Variants in CASZ1 observed in about 807,000 individuals in gnomAD.
CASZ1 encodes the protein castor zinc finger 1.
A neutral mutation model predicts 135.2 loss-of-function variants in CASZ1; 28 were observed. That is an observed-to-expected ratio of 0.21 (90% CI 0.15 to 0.28). The LOEUF is 0.28. CASZ1 is among the 10% of genes least tolerant of loss of function. CASZ1 has a pLI of 1.00. For synonymous variants in CASZ1, 1,068 were observed against 1,073.4 expected (o/e 0.99, Z 0.10); for missense variants, 2,161 against 2,453.3 (o/e 0.88, Z 2.52).
chr1:10,689,881 G>A (rs1055395113), intron 4 of CASZ1, among the ~76,000 whole-genome samples: 7 of 152,150 alleles, frequency 4.6e-5, no homozygotes, highest in East Asian at 3.8e-4. Context: ...GTCACTAACC[G>A]GTGCACAGCA....
intron 9 of CASZ1, among the ~76,000 whole-genome samples, chr1:10,654,999 A>C (rs1158456245): frequency 6.6e-6 from 1 of 152,188 alleles, no homozygotes; most frequent in African/African-American, 2.4e-5. Flanking sequence ...GGATTTGCTT[A>C]GTGGACAGTC....
In CASZ1 at chr1:10,662,312, C is replaced by T. The variant is rs544569719; in HGVS notation, c.506-1776G>A. Among the ~76,000 whole-genome samples the T allele has an allele frequency of 1.9e-4, 21 of 108,404 alleles. No individual in the cohort carries two copies. The East Asian group carries it at 4.7e-3, about 24-fold the overall frequency. 71.1% of individuals were successfully genotyped at this position (108,404 alleles called of 152,430 possible). ...ATACAACACACACATACATTGACAC[C>T]CACCCACCCCCACACACAGTCACAT... On this transcript the variant is annotated intron_variant, in intron 5 of 20. Transcript: ENST00000377022.
chr1:10,779,791 A>G (rs1557567349), intron 1 of CASZ1, among the ~76,000 whole-genome samples: 1 of 152,224 alleles, frequency 6.6e-6, no homozygotes, highest in African/African-American at 2.4e-5. Context: ...TAATTTGTAC[A>G]GGTGACACCG....
intron 8 of CASZ1, among the ~76,000 whole-genome samples, chr1:10,656,421 C>CCACTGGGAGGT (rs1201820132): frequency 3.9e-5 from 6 of 152,216 alleles, no homozygotes; most frequent in Non-Finnish European, 7.3e-5. Flanking sequence ...GGAATGATCA[C>CCACTGGGAGGT]CACTGGGAGG....
chr1:10,713,294 T>C (rs1041176128), intron 2 of CASZ1, among the ~76,000 whole-genome samples: 3 of 152,186 alleles, frequency 2.0e-5, no homozygotes, highest in African/African-American at 4.8e-5. Context: ...GGGGCTGTTA[T>C]TTATTTATTT....
chr1:10,780,971 A>G (rs1292425631), intron 1 of CASZ1, among the ~76,000 whole-genome samples: 2 of 152,214 alleles, frequency 1.3e-5, no homozygotes, highest in Non-Finnish European at 2.9e-5. Context: ...TAAAATAAGA[A>G]TGTAAAATCA....
intron 5 of CASZ1, among the ~76,000 whole-genome samples, chr1:10,663,127 C>T (rs927639167): frequency 6.6e-6 from 1 of 152,226 alleles, no homozygotes; most frequent in African/African-American, 2.4e-5. Flanking sequence ...CGTGGGCACA[C>T]TTGGGGCGGC....
intron 15 of CASZ1, 119 bp from the exon 16 acceptor site, chr1:10,648,258 T>G: frequency 2.7e-6 from 2 of 729,362 alleles, no homozygotes; most frequent in Non-Finnish European, 4.4e-6. Context: ...TCCCCATCAC[T>G]CAGCTCCAGA....
intron 19 of CASZ1, 51 bp downstream of exon 19, chr1:10,643,109 T>C: frequency 4.4e-6 from 7 of 1,600,208 alleles, no homozygotes; most frequent in Non-Finnish European, 6.0e-6. Context: ...CGTGGGACCA[T>C]GATGCGTTCC....
Position 10,756,930 on chromosome 1 carries a change from AAACTCAGCC to A in CASZ1, c.-77+3762_-77+3770del, listed in dbSNP as rs1024200624. Reference sequence around the variant, plus strand: ...ATCACATTCAAAGCCACAGTAAGAGAAACTCAGCCAACTTTTAGACCCAATCTCAGACCC... The same window carrying A: ...ATCACATTCAAAGCCACAGTAAGAGAAACTTTTAGACCCAATCTCAGACCC... On this transcript the variant is annotated intron_variant, in intron 2 of 20. Transcript: ENST00000377022. The surrounding 1 kb of genome is among the most constrained non-coding windows in gnomAD (Gnocchi z 5.9). Among the ~76,000 whole-genome samples, 1 of 152,174 alleles carries A rather than the reference AAACTCAGCC, an allele frequency of 6.6e-6. No homozygotes were observed. The highest frequency in any genetic ancestry group is 2.4e-5 in the African/African-American group (1 of 41,442).
intron 4 of CASZ1, among the ~76,000 whole-genome samples, chr1:10,686,867 C>T (rs1172185361): frequency 6.6e-6 from 1 of 152,212 alleles, no homozygotes; most frequent in Non-Finnish European, 1.5e-5. Context: ...TGCCCCACAC[C>T]TAAAAGGATG....
In CASZ1 at chr1:10,749,640, C is replaced by T. The variant is rs903859556; in HGVS notation, c.-77+11061G>A. ...CAGCCCCGAATGGACCAGGCGAATA[C>T]GGAGACTCTTGTAGCAGGAGGTTCT... On this transcript the variant is annotated intron_variant, in intron 2 of 20. Coordinates refer to ENST00000377022, the MANE Select transcript of CASZ1 (RefSeq NM_001079843.3). Among the ~76,000 whole-genome samples the T allele has an allele frequency of 6.6e-5, 10 of 152,038 alleles. 1 individual carries two copies. The highest frequency in any genetic ancestry group is 1.9e-4 in the African/African-American group (8 of 41,412).
intron 1 of CASZ1, among the ~76,000 whole-genome samples, chr1:10,761,208 G>A (rs1570569745): frequency 6.6e-6 from 1 of 152,230 alleles, no homozygotes; most frequent in African/African-American, 2.4e-5. Context: ...CAGGGTGAAA[G>A]GTCAGGCCTG....
At chr1:10,754,340 A>C (rs1557552461) in intron 2 of CASZ1, among the ~76,000 whole-genome samples, 1 of 152,184 alleles carries the variant, frequency 6.6e-6, no homozygotes, top group Non-Finnish European at 1.5e-5. Context: ...TGAGGGCAGG[A>C]CGTTGGCCTC....
At chr1:10,642,712 T>C in intron 20 of CASZ1, 147 bp downstream of exon 20, 1 of 850,364 alleles carries the variant, frequency 1.2e-6, no homozygotes. Context: ...GATGACCCAG[T>C]CCCACAGACC....
In CASZ1 at chr1:10,654,130, C is replaced by A. The variant is rs1642706468; in HGVS notation, c.1927G>T (p.Asp643Tyr). ...YHIKDDAYAK[D>Y]GFKKFYKYEE... Reference sequence around the variant, plus strand: ...TACTTGTAGAACTTCTTGAAGCCGTCCTTGGCGTAGGCATCGTCCTTGATG... The same window carrying A: ...TACTTGTAGAACTTCTTGAAGCCGTACTTGGCGTAGGCATCGTCCTTGATG... Residue 643 changes from aspartate to tyrosine, a missense_variant, in exon 11 of 21, where the codon GAC becomes TAC. By Grantham distance (160) the Asp-to-Tyr change is radical. This residue lies in a region of CASZ1 where 248 missense variants were observed against 410.8 expected (regional missense o/e 0.60). Coordinates refer to ENST00000377022, the MANE Select transcript of CASZ1 (RefSeq NM_001079843.3). The A allele has an allele frequency of 3.7e-6, 6 of 1,614,234 alleles. No homozygotes were observed. Among genetic ancestry groups the A allele is most frequent in the Non-Finnish European group, 4.2e-6 (5 of 1,180,040 alleles).
chr1:10,772,960 G>A (rs1570580209), intron 1 of CASZ1, among the ~76,000 whole-genome samples: 1 of 152,086 alleles, frequency 6.6e-6, no homozygotes, highest in Admixed American at 6.5e-5. Flanking sequence ...GAGGATGGGG[G>A]CTCCCGAAGG....
rs764956311 is a variant in CASZ1 at position 10,665,297 on chromosome 1, G to C, written c.291C>G (p.Ser97Arg). The C allele has an allele frequency of 1.2e-6, 2 of 1,612,866 alleles. No homozygotes were observed. Among genetic ancestry groups the C allele is most frequent in the Non-Finnish European group, 1.7e-6 (2 of 1,179,418 alleles). Residue 97 changes from serine to arginine, a missense_variant, in exon 5 of 21, where the codon AGC (serine) becomes AGG (arginine). By Grantham distance (110) the Ser-to-Arg change is moderately radical. This residue lies in a region of CASZ1 where 590 missense variants were observed against 609.8 expected (regional missense o/e 0.97). Transcript: ENST00000377022. ...ACACGGGTGTGGGTGCCGGCTCCTC[G>C]CTGTACTCCCCGTTCACCCACTTCT... ...VIEKWVNGEYSEEPAPTPVLG... is the reference protein window; with the variant it reads ...VIEKWVNGEYREEPAPTPVLG...
chr1:10,739,560 T>C lies in CASZ1; in HGVS notation c.-77+21141A>G, dbSNP rs1387259999. Reference sequence around the variant, plus strand: ...CGCCCCCCGGGCCCACTCCCCGTTCTCCCAGCCTTGCTGGCTACTTCCACT... The same window carrying C: ...CGCCCCCCGGGCCCACTCCCCGTTCCCCCAGCCTTGCTGGCTACTTCCACT... On this transcript the variant is annotated intron_variant, in intron 2 of 20. Transcript: ENST00000377022. The surrounding 1 kb of genome is among the most constrained non-coding windows in gnomAD (Gnocchi z 4.8). Among the ~76,000 whole-genome samples, 1 of 152,182 alleles carries C rather than the reference T, an allele frequency of 6.6e-6. No homozygotes were observed. The highest frequency in any genetic ancestry group is 1.9e-4 in the East Asian group (1 of 5,180).
Sources: allele counts gnomAD v4.1 joint callset (sites outside exome capture counted in the v4.1 genomes callset), GRCh38; gene constraint gnomAD v4.1.1; regional missense constraint gnomAD v4.1.1; non-coding constraint Gnocchi (gnomAD v3.1); transcripts MANE v1.5; gene names NCBI Gene and HGNC (gene_info 2026-07-23, HGNC 2026-07-21).